TRIM16: variants seen among roughly 807,000 people sequenced by gnomAD.
The protein encoded by TRIM16 is tripartite motif-containing protein 16.
TRIM16 carries 33 observed loss-of-function variants against 50.4 expected under a neutral mutation model. The ratio of observed to expected loss-of-function variants is 0.65; its 90% CI spans 0.50 to 0.88. The LOEUF (loss-of-function observed/expected upper bound fraction) is 0.88, where lower values mean the gene tolerates loss of function less well. Among genes scored for constraint, TRIM16 ranks in the 40% least tolerant of loss-of-function variants. The pLI is 0.00. For missense variants in TRIM16, 581 were observed against 686.8 expected (o/e 0.85, Z 1.72); for synonymous variants, 229 against 270.7 (o/e 0.85, Z 1.51).
At chr17:15,649,402 G>A (rs879574172) in intron 7 of TRIM16, among the ~76,000 whole-genome samples, 16 of 152,078 alleles carry the variant, frequency 1.1e-4, no homozygotes, top group African/African-American at 3.9e-4. Flanking sequence ...TTCTCCTACT[G>A]CAGCCTCCCT....
intron 7 of TRIM16, among the ~76,000 whole-genome samples, chr17:15,647,816 TACACACACAC>T (rs558765410): frequency 0.02 from 2,736 of 139,204 alleles, 92 homozygotes; most frequent in African/African-American, 0.071. Context: ...CCAGATTTCA[TACACACACAC>T]ACACACACAC....
At chr17:15,637,620 T>TGG (rs1986882391) in intron 8 of TRIM16, among the ~76,000 whole-genome samples, 3 of 28,516 alleles carry the variant, frequency 1.1e-4, no homozygotes, top group African/African-American at 4.4e-4. Flanking sequence ...GGGAGGGAGG[T>TGG]GGGGGGGGGT....
chr17:15,643,991 CCAA>C (rs1987235064), intron 7 of TRIM16, among the ~76,000 whole-genome samples: 1 of 152,016 alleles, frequency 6.6e-6, no homozygotes, highest in East Asian at 1.9e-4. Context: ...AAGCCATTCT[CCAA>C]CAACAGCTGG....
chr17:15,633,659 GC>G (rs1986551162), intron 9 of TRIM16, among the ~76,000 whole-genome samples: 1 of 144,136 alleles, frequency 6.9e-6, no homozygotes, highest in Non-Finnish European at 1.5e-5. Flanking sequence ...TCCTGCCTCA[GC>G]CTCCCAAGTG....
At chr17:15,661,796 A>T (rs1988249858) in intron 6 of TRIM16, among the ~76,000 whole-genome samples, 1 of 152,180 alleles carries the variant, frequency 6.6e-6, no homozygotes, top group African/African-American at 2.4e-5. Context: ...CTAGTGACAG[A>T]TTCTGGCCTA....
Position 15,628,948 on chromosome 17 carries a change from C to T in TRIM16, c.1362G>A (p.Glu454=), listed in dbSNP as rs1986251620. The change falls in exon 12 of 12, where the codon GAG becomes GAA. Residue 454 remains glutamate (E), a synonymous_variant. Transcript: ENST00000649191. ...LTCKGIDRKG[E]ERNSCISGNN... ...TTCCGGAAATGCAACTGTTGCGCTC[C>T]TCCCCTTTCCGGTCGATGCCTTTGC... The T allele has an allele frequency of 6.2e-7, 1 of 1,614,230 alleles. No individual in the cohort carries two copies. Among genetic ancestry groups the T allele is most frequent in the African/African-American group, 1.3e-5 (1 of 75,060 alleles).
At chr17:15,660,062 T>C (rs1209196123) in intron 6 of TRIM16, among the ~76,000 whole-genome samples, 2 of 152,226 alleles carry the variant, frequency 1.3e-5, no homozygotes, top group Non-Finnish European at 2.9e-5. Context: ...GAGGGTCCTC[T>C]TGTTTTTACT....
At chr17:15,664,311 T>G (rs1328924245) in intron 6 of TRIM16, among the ~76,000 whole-genome samples, 1 of 152,158 alleles carries the variant, frequency 6.6e-6, no homozygotes, top group African/African-American at 2.4e-5. Context: ...TGAAAAAGTA[T>G]GAATCTATTC....
chr17:15,648,855 G>T (rs752522745), intron 7 of TRIM16, among the ~76,000 whole-genome samples: 28 of 152,200 alleles, frequency 1.8e-4, no homozygotes, highest in Admixed American at 1.3e-3. Context: ...AAGGACACAG[G>T]ACAAGGACAC....
At chr17:15,648,264 C>CAA (rs369890282) in intron 7 of TRIM16, among the ~76,000 whole-genome samples, 1,893 of 146,172 alleles carry the variant, frequency 0.013, 43 homozygotes, top group African/African-American at 0.047. Context: ...AACAAACAAA[C>CAA]AAAAAAACAC....
At chr17:15,644,616 G>A (rs1359189022) in intron 7 of TRIM16, among the ~76,000 whole-genome samples, 1 of 152,074 alleles carries the variant, frequency 6.6e-6, no homozygotes, top group Non-Finnish European at 1.5e-5. Context: ...GGGGCTGAAA[G>A]TCAAACCCTT....
chr17:15,644,264 C>T (rs1256427200), intron 7 of TRIM16, among the ~76,000 whole-genome samples: 3 of 152,082 alleles, frequency 2.0e-5, no homozygotes, highest in Non-Finnish European at 4.4e-5. Context: ...CGACTCACTG[C>T]AACCTCTGTC....
intron 7 of TRIM16, among the ~76,000 whole-genome samples, chr17:15,645,234 C>A (rs1987311145): frequency 6.6e-6 from 1 of 152,208 alleles, no homozygotes; most frequent in Non-Finnish European, 1.5e-5. Context: ...TAACGTATGT[C>A]AATAAGAACT....
chr17:15,679,730 G>A (rs1461824286), intron 4 of TRIM16, among the ~76,000 whole-genome samples: 2 of 152,182 alleles, frequency 1.3e-5, no homozygotes, highest in African/African-American at 4.8e-5. Flanking sequence ...AAGGTCAGGA[G>A]ATCGAGACCA....
chr17:15,675,095 G>GT (rs1194747449), intron 6 of TRIM16, among the ~76,000 whole-genome samples: 1 of 151,684 alleles, frequency 6.6e-6, no homozygotes, highest in Non-Finnish European at 1.5e-5. Context: ...TCACTGCATG[G>GT]TGACAGCAGT....
intron 6 of TRIM16, among the ~76,000 whole-genome samples, chr17:15,670,612 T>G (rs1167523674): frequency 1.3e-5 from 2 of 152,184 alleles, no homozygotes; most frequent in Non-Finnish European, 2.9e-5. Flanking sequence ...AAGGCCCATA[T>G]TATATATTCA....
At chr17:15,673,186 T>C (rs1988791712) in intron 6 of TRIM16, among the ~76,000 whole-genome samples, 1 of 152,222 alleles carries the variant, frequency 6.6e-6, no homozygotes. Context: ...TTAAGAAGTC[T>C]TATTCTAATG....
At chr17:15,656,132 T>G (rs1320584205) in intron 6 of TRIM16, among the ~76,000 whole-genome samples, 1 of 151,818 alleles carries the variant, frequency 6.6e-6, no homozygotes, top group Non-Finnish European at 1.5e-5. Context: ...AACTTCTAAG[T>G]CCCCTCTAAT....
At chr17:15,640,603 C>A (rs1191525335) in intron 8 of TRIM16, among the ~76,000 whole-genome samples, 3 of 149,204 alleles carry the variant, frequency 2.0e-5, no homozygotes, top group African/African-American at 7.4e-5. Context: ...ATATATTAAT[C>A]ATTACTAGAT....
Sources: allele counts gnomAD v4.1 joint callset (sites outside exome capture counted in the v4.1 genomes callset), GRCh38; gene constraint gnomAD v4.1.1; transcripts MANE v1.5; gene names NCBI Gene and HGNC (gene_info 2026-07-23, HGNC 2026-07-21).